Variants in ZNF609 observed in about 807,000 individuals in gnomAD.
ZNF609 encodes zinc finger protein 609.
ZNF609 carries 11 observed loss-of-function variants against 109.5 expected under a neutral mutation model. The ratio of observed to expected loss-of-function variants is 0.10; its 90% CI spans 0.06 to 0.17. The LOEUF is 0.17. ZNF609 is among the 10% of genes least tolerant of loss of function. The probability of loss-of-function intolerance (pLI) is 1.00; values close to 1 mark genes in which losing one functional copy is unlikely to be tolerated. For missense variants in ZNF609, 1,559 were observed against 1,772.4 expected (o/e 0.88, Z 2.16); for synonymous variants, 646 against 662.0 (o/e 0.98, Z 0.37).
intron 1 of ZNF609, among the ~76,000 whole-genome samples, chr15:64,480,963 A>G (rs1893243290): frequency 6.6e-6 from 1 of 152,218 alleles, no homozygotes; most frequent in Admixed American, 6.5e-5. Flanking sequence ...CAAAGCAAAT[A>G]AATAACCTGA....
chr15:64,500,098 G>A lies in ZNF609; in HGVS notation c.679G>A (p.Gly227Arg), dbSNP rs1893540091. 1 of 1,613,978 alleles carries A rather than the reference G, an allele frequency of 6.2e-7. No homozygotes were observed. Among genetic ancestry groups the A allele is most frequent in the Non-Finnish European group, 8.5e-7 (1 of 1,180,024 alleles). ...IEPGAALNPL[G>R]TKPEPEEGEN... is the part of the protein sequence containing the mutation. Reference sequence around the variant, plus strand: ...GCCTGGGGCAGCGCTCAATCCTTTGGGAACTAAACCGGAGCCAGAGGAAGG... The same window carrying A: ...GCCTGGGGCAGCGCTCAATCCTTTGAGAACTAAACCGGAGCCAGAGGAAGG... Residue 227 changes from glycine to arginine, a missense_variant, in exon 2 of 10, where the codon GGA (glycine) becomes AGA (arginine). Physicochemically the swap from Gly to Arg is moderately radical, Grantham distance 125. Coordinates refer to ENST00000326648, the MANE Select transcript of ZNF609 (RefSeq NM_015042.2).
intron 2 of ZNF609, among the ~76,000 whole-genome samples, chr15:64,599,597 C>G (rs1895461051): frequency 6.6e-6 from 1 of 152,088 alleles, no homozygotes; most frequent in African/African-American, 2.4e-5. Flanking sequence ...TCTGATCATT[C>G]TTACTTATGT....
chr15:64,656,719 T>C (rs1205151972), intron 3 of ZNF609, among the ~76,000 whole-genome samples: 2 of 151,788 alleles, frequency 1.3e-5, no homozygotes, highest in Non-Finnish European at 2.9e-5. Flanking sequence ...CCTTCCTTCC[T>C]CTTTTCTTTT....
intron 2 of ZNF609, among the ~76,000 whole-genome samples, chr15:64,600,499 G>T (rs1180759783): frequency 6.6e-6 from 1 of 150,574 alleles, no homozygotes; most frequent in East Asian, 1.9e-4. Flanking sequence ...AGCCAGGTGT[G>T]GTGGCAGCAC....
chr15:64,546,872 G>GCT (rs1395818152), intron 2 of ZNF609, among the ~76,000 whole-genome samples: 2 of 148,040 alleles, frequency 1.4e-5, no homozygotes, highest in Non-Finnish European at 3.0e-5. Context: ...CTCACTGCAA[G>GCT]CTCTGCCTCC....
Position 64,674,971 on chromosome 15 carries a change from C to T in ZNF609, c.2117C>T (p.Pro706Leu). 6.2e-7 allele frequency: 1 copy of T among 1,614,108 alleles called. No individual in the cohort carries two copies. The highest frequency in any genetic ancestry group is 2.2e-5 in the East Asian group (1 of 44,884). ...PNSPQLKPIQPKPTVMGEPFT... is the reference protein window; with the variant it reads ...PNSPQLKPIQLKPTVMGEPFT... ...AGTCCCCAACTCAAGCCCATTCAGC[C>T]CAAGCCCACTGTTATGGGAGAACCT... Residue 706 changes from proline (P) to leucine (L), a missense_variant, in exon 5 of 10, where the codon CCC becomes CTC. Coordinates refer to ENST00000326648, the MANE Select transcript of ZNF609 (RefSeq NM_015042.2).
intron 1 of ZNF609, among the ~76,000 whole-genome samples, chr15:64,478,808 T>A (rs975137595): frequency 6.6e-6 from 1 of 152,210 alleles, no homozygotes; most frequent in Non-Finnish European, 1.5e-5. Context: ...GAGGGTTTGC[T>A]GTATATCAAA....
chr15:64,533,530 TAGTC>T (rs1475313707), intron 2 of ZNF609, among the ~76,000 whole-genome samples: 1 of 152,230 alleles, frequency 6.6e-6, no homozygotes, highest in African/African-American at 2.4e-5. Flanking sequence ...TAGGTTTGCT[TAGTC>T]AGTTATCATT....
chr15:64,466,597 A>G (rs1893018576), intron 1 of ZNF609, among the ~76,000 whole-genome samples: 1 of 152,210 alleles, frequency 6.6e-6, no homozygotes, highest in African/African-American at 2.4e-5. Flanking sequence ...GGACATTTGC[A>G]GTGATCTACC....
intron 2 of ZNF609, among the ~76,000 whole-genome samples, chr15:64,585,210 A>C (rs1001272947): frequency 7.9e-5 from 12 of 152,030 alleles, no homozygotes; most frequent in African/African-American, 2.9e-4. Flanking sequence ...CTGTAATTCC[A>C]GCTACTCGGG....
chr15:64,576,986 G>GTGTATA, intron 2 of ZNF609, among the ~76,000 whole-genome samples: 1 of 109,778 alleles, frequency 9.1e-6, no homozygotes, highest in East Asian at 2.5e-4. Context: ...ATATATGTAT[G>GTGTATA]TATACACATA....
chr15:64,608,333 A>G (rs1418842796), intron 2 of ZNF609, among the ~76,000 whole-genome samples: 1 of 152,152 alleles, frequency 6.6e-6, no homozygotes, highest in Non-Finnish European at 1.5e-5. Flanking sequence ...CAGTACTCTC[A>G]TGTACCATGT....
At chr15:64,504,883 C>T (rs988783784) in intron 2 of ZNF609, among the ~76,000 whole-genome samples, 14 of 151,866 alleles carry the variant, frequency 9.2e-5, no homozygotes, top group African/African-American at 3.4e-4. Context: ...GCACTTCTGC[C>T]TTGGTCTCAC....
chr15:64,554,437 T>C (rs962430985), intron 2 of ZNF609, among the ~76,000 whole-genome samples: 2 of 151,962 alleles, frequency 1.3e-5, no homozygotes, highest in African/African-American at 4.8e-5. Flanking sequence ...GCCCAGGAGT[T>C]CAAGACCAGC....
At chr15:64,498,264 G>A (rs1217282834) in intron 1 of ZNF609, among the ~76,000 whole-genome samples, 1 of 152,082 alleles carries the variant, frequency 6.6e-6, no homozygotes, top group African/African-American at 2.4e-5. Context: ...TGGCCAGGCT[G>A]ATCTTGAACT....
At chr15:64,625,431 A>G (rs1895937013) in intron 3 of ZNF609, among the ~76,000 whole-genome samples, 1 of 152,084 alleles carries the variant, frequency 6.6e-6, no homozygotes, top group African/African-American at 2.4e-5. Context: ...GAGGCAGGAT[A>G]ATCACTTGAA....
intron 2 of ZNF609, among the ~76,000 whole-genome samples, chr15:64,527,418 A>G (rs1893983145): frequency 6.6e-6 from 1 of 151,042 alleles, no homozygotes; most frequent in Admixed American, 6.6e-5. Flanking sequence ...CAGTGTTAAG[A>G]CCAGCCTTAC....
chr15:64,528,658 C>G (rs1348808921), intron 2 of ZNF609: 4 of 1,101,642 alleles, frequency 3.6e-6, no homozygotes, highest in Admixed American at 1.8e-5. Flanking sequence ...GGCTGGTGGT[C>G]CAGGGGTCTT....
chr15:64,643,558 T>G (rs1325498760), intron 3 of ZNF609, among the ~76,000 whole-genome samples: 1 of 152,048 alleles, frequency 6.6e-6, no homozygotes, highest in African/African-American at 2.4e-5. Flanking sequence ...CTTTGGCCAT[T>G]ATAAGAGGTC....
Sources: allele counts gnomAD v4.1 joint callset (sites outside exome capture counted in the v4.1 genomes callset), GRCh38; gene constraint gnomAD v4.1.1; transcripts MANE v1.5; gene names NCBI Gene and HGNC (gene_info 2026-07-23, HGNC 2026-07-21).